INPP1: variants seen among roughly 807,000 people sequenced by gnomAD.
INPP1 encodes the protein inositol polyphosphate-1-phosphatase.
INPP1 carries 18 observed loss-of-function variants against 23.0 expected under a neutral mutation model. The ratio of observed to expected loss-of-function variants is 0.78; its 90% CI spans 0.54 to 1.16. The LOEUF (loss-of-function observed/expected upper bound fraction) is 1.16. INPP1 is among the 50% of genes most tolerant of loss of function. The pLI is 0.00. For synonymous variants in INPP1, 164 were observed against 176.3 expected (o/e 0.93, Z 0.55); for missense variants, 448 against 482.1 (o/e 0.93, Z 0.66).
rs1311109258 is a variant in INPP1 at position 190,370,992 on chromosome 2, A to C, written c.790A>C (p.Ile264Leu). Reference sequence around the variant, plus strand: ...ATTCTCCCCCAGTTTTTCAGCCGTAATTAGTACAAGTGAAAAGGAGACTAT... The same window carrying C: ...ATTCTCCCCCAGTTTTTCAGCCGTACTTAGTACAAGTGAAAAGGAGACTAT... The part of the protein sequence containing the change: ...AAFSPSFSAV[I>L]STSEKETIKA... The change falls in exon 7 of 7, where the codon ATT becomes CTT. Residue 264 changes from isoleucine (I) to leucine (L), a missense_variant. Coordinates refer to ENST00000392329, the MANE Select transcript of INPP1 (RefSeq NM_001128928.2). 6.2e-7 allele frequency: 1 copy of C among 1,614,216 alleles called. No individual in the cohort carries two copies. The highest frequency in any genetic ancestry group is 1.3e-5 in the African/African-American group (1 of 75,068).
chr2:190,371,599 A>C lies in INPP1; in HGVS notation c.*197A>C. Reference sequence around the variant, plus strand: ...CATGCAGCAATTATATTGGTGTATGAAATTCTTACAGTGAATATTGTGCTG... The same window carrying C: ...CATGCAGCAATTATATTGGTGTATGCAATTCTTACAGTGAATATTGTGCTG... On this transcript the variant is annotated 3_prime_UTR_variant, in exon 7 of 7. Transcript: ENST00000392329. The surrounding 1 kb of genome is among the most constrained non-coding windows in gnomAD (Gnocchi z 5.3). 1 of 451,086 alleles carries C rather than the reference A, an allele frequency of 2.2e-6. No homozygotes were observed. Among genetic ancestry groups the C allele is most frequent in the Non-Finnish European group, 3.9e-6 (1 of 258,674 alleles). The allele number at this position is 451,086 out of a possible 1,614,324, so 27.9% of individuals were successfully genotyped here.
rs2124922540 is a variant in INPP1 at position 190,354,341 on chromosome 2, C to T, written c.-65+5310C>T. Among the ~76,000 whole-genome samples the T allele has an allele frequency of 6.6e-6, 1 of 152,232 alleles. No individual in the cohort carries two copies. The highest frequency in any genetic ancestry group is 1.5e-5 in the Non-Finnish European group (1 of 68,016). ...GATTGGGTCGCTAAGGTAACCACGG[C>T]CTGTCTTTCAGGAGAGGTTTTAGGG... On this transcript the variant is annotated intron_variant, in intron 2 of 6. Transcript: ENST00000392329. The surrounding 1 kb of genome is among the most constrained non-coding windows in gnomAD (Gnocchi z 4.8).
intron 1 of INPP1, among the ~76,000 whole-genome samples, chr2:190,348,331 T>C (rs1689263051): frequency 6.6e-6 from 1 of 152,200 alleles, no homozygotes; most frequent in African/African-American, 2.4e-5. Context: ...TTTTGAAATG[T>C]GCATTTCTTT....
chr2:190,370,610 T>G (rs1170348042), intron 6 of INPP1, among the ~76,000 whole-genome samples: 2 of 152,250 alleles, frequency 1.3e-5, no homozygotes, highest in Non-Finnish European at 2.9e-5. Context: ...ATTGATGTGA[T>G]AATGCCATAA....
rs1229102209 is a variant in INPP1 at position 190,371,439 on chromosome 2, C to A, written c.*37C>A. 3 of 1,434,790 alleles carry A rather than the reference C, an allele frequency of 2.1e-6. No individual in the cohort carries two copies. Among genetic ancestry groups the A allele is most frequent in the Non-Finnish European group, 2.8e-6 (3 of 1,075,464 alleles). The allele number at this position is 1,434,790 out of a possible 1,614,324, so 88.9% of individuals were successfully genotyped here. A position where few individuals can be genotyped will look rare whatever the true frequency, so the allele number is the denominator to read the frequency against. ...CCCCGGTGTACCTGTATAAACTGAA[C>A]TGTGAAACTGTTTCGGTTATCTCTG... On this transcript the variant is annotated 3_prime_UTR_variant, in exon 7 of 7. Transcript: ENST00000392329. The surrounding 1 kb of genome is among the most constrained non-coding windows in gnomAD (Gnocchi z 5.3).
rs144860103 is a variant in INPP1, at chr2:190,353,067, G to A, written c.-65+4036G>A. 6.6e-4 allele frequency among the ~76,000 whole-genome samples: 101 copies of A among 152,256 alleles called. 1 individual carries two copies. In the East Asian group the frequency reaches 8.5e-3, roughly 13 times the overall value. On this transcript the variant is annotated intron_variant, in intron 2 of 6. Coordinates refer to ENST00000392329, the MANE Select transcript of INPP1 (RefSeq NM_001128928.2). ...AATGTCAACAGAAGTGCTTTGACCC[G>A]CTTGCCTATTGATTAGAGAGCAGTT...
chr2:190,360,289 C>T lies in INPP1; in HGVS notation c.187C>T (p.Gln63Ter), dbSNP rs1689511223. The change falls in exon 3 of 7, where the codon CAG (glutamine) becomes TAG (stop). Residue 63 changes from glutamine to a stop codon, truncating the protein, a stop_gained. Transcript: ENST00000392329. LOFTEE classifies it high-confidence loss of function. ...ADVLVQEVIK[Q>*]NMENKFPGLE... ...TGTACTGGTACAGGAAGTTATAAAA[C>T]AGAATATGGAGAACAAGGTAAGAAA... 4 of 1,614,074 alleles carry T rather than the reference C, an allele frequency of 2.5e-6. No individual in the cohort carries two copies. Among genetic ancestry groups the T allele is most frequent in the Non-Finnish European group, 3.4e-6 (4 of 1,179,966 alleles).
At chr2:190,370,793 A>G in intron 6 of INPP1, 51 bp from the exon 7 acceptor site, 1 of 1,308,988 alleles carries the variant, frequency 7.6e-7, no homozygotes, top group Non-Finnish European at 1.1e-6. Context: ...TGACATGAGT[A>G]ATGAAAAACA....
rs1045680661 is a variant in INPP1 at position 190,357,767 on chromosome 2, A to C, written c.-64-2272A>C. Among the ~76,000 whole-genome samples the C allele has an allele frequency of 6.6e-5, 10 of 152,324 alleles. No individual in the cohort carries two copies. In the Middle Eastern group the frequency reaches 0.01, roughly 155 times the overall value. On this transcript the variant is annotated intron_variant, in intron 2 of 6. Transcript: ENST00000392329. ...ACATTTTTGTCAAATTGCCCTCTGG[A>C]AACCTAACTTGTTTGCGTGCCCATT...
Position 190,361,028 on chromosome 2 carries a change from A to G in INPP1, c.204+722A>G, listed in dbSNP as rs16832635. Among the ~76,000 whole-genome samples the G allele has an allele frequency of 1.2e-3, 189 of 152,364 alleles. 1 individual carries two copies. The East Asian group carries it at 0.015, about 12-fold the overall frequency. ...AGAAATAATAATACTAGCAGCACTT[A>G]TAAATGCTATGTGCCAGCCACTATT... On this transcript the variant is annotated intron_variant, in intron 3 of 6. Transcript: ENST00000392329.
rs772533492 is a variant in INPP1 at position 190,355,477 on chromosome 2, T to G, written c.-64-4562T>G. ...GAACTGGAGCTATTAAATCTGTGTT[T>G]AGAGTTATACAGGTTGCTGACAAAA... On this transcript the variant is annotated intron_variant, in intron 2 of 6. Coordinates refer to ENST00000392329, the MANE Select transcript of INPP1 (RefSeq NM_001128928.2). The surrounding 1 kb of genome is among the most constrained non-coding windows in gnomAD (Gnocchi z 5.1). Among the ~76,000 whole-genome samples the G allele has an allele frequency of 3.9e-5, 6 of 152,218 alleles. No individual in the cohort carries two copies. The highest frequency in any genetic ancestry group is 8.8e-5 in the Non-Finnish European group (6 of 68,040).
chr2:190,366,936 T>A, intron 5 of INPP1, 41 bp downstream of exon 5: 1 of 1,392,808 alleles, frequency 7.2e-7, no homozygotes, highest in Non-Finnish European at 1.0e-6. Flanking sequence ...TTGCAATCTT[T>A]TTTTTGGTGG....
At chr2:190,369,820 T>C (rs1024553562) in intron 6 of INPP1, among the ~76,000 whole-genome samples, 1 of 152,228 alleles carries the variant, frequency 6.6e-6, no homozygotes, top group African/African-American at 2.4e-5. Context: ...AGGACTCAGC[T>C]GCCTCTGATC....
At chr2:190,351,311 A>G (rs1689319698) in intron 2 of INPP1, among the ~76,000 whole-genome samples, 1 of 152,250 alleles carries the variant, frequency 6.6e-6, no homozygotes, top group South Asian at 2.1e-4. Context: ...CTCCTTTTGC[A>G]CATACATTTT....
At chr2:190,366,281 CTCTCGCTCTCTG>C (rs1443018306) in intron 4 of INPP1, among the ~76,000 whole-genome samples, 21 of 147,310 alleles carry the variant, frequency 1.4e-4, no homozygotes, top group Non-Finnish European at 2.7e-4. Context: ...TCCTGTCTCT[CTCTCGCTCTCTG>C]TCTCTCTCGC....
chr2:190,346,737 T>C lies in INPP1; in HGVS notation c.-208-2151T>C, dbSNP rs1225957952. Among the ~76,000 whole-genome samples the C allele has an allele frequency of 6.6e-6, 1 of 151,922 alleles. No individual in the cohort carries two copies. Among genetic ancestry groups the C allele is most frequent in the East Asian group, 1.9e-4 (1 of 5,176 alleles). ...AATCCTCCCACCCCAGCCTCCCGAG[T>C]GTCTGGGACTACAGGCACGTGCCAC... On this transcript the variant is annotated intron_variant, in intron 1 of 6. Transcript: ENST00000392329. The surrounding 1 kb of genome is among the most constrained non-coding windows in gnomAD (Gnocchi z 5.1).
intron 1 of INPP1, 102 bp downstream of exon 1, chr2:190,344,063 G>T: frequency 6.2e-6 from 2 of 323,754 alleles, no homozygotes. Flanking sequence ...GCGCGCCGTC[G>T]CCTCTCCGCG....
At chr2:190,364,928 T>C (rs1304643289) in intron 4 of INPP1, among the ~76,000 whole-genome samples, 1 of 151,980 alleles carries the variant, frequency 6.6e-6, no homozygotes, top group Non-Finnish European at 1.5e-5. Context: ...TCTAATAAGC[T>C]CCCAGCTGAT....
chr2:190,370,999 C>T lies in INPP1; in HGVS notation c.797C>T (p.Thr266Ile), dbSNP rs777138601. Residue 266 changes from threonine (T) to isoleucine (I), a missense_variant, in exon 7 of 7, where the codon ACA becomes ATA. Coordinates refer to ENST00000392329, the MANE Select transcript of INPP1 (RefSeq NM_001128928.2). ...CCCAGTTTTTCAGCCGTAATTAGTA[C>T]AAGTGAAAAGGAGACTATCAAAGCT... ...FSPSFSAVIS[T>I]SEKETIKAAL... 2 of 1,614,156 alleles carry T rather than the reference C, an allele frequency of 1.2e-6. No homozygotes were observed. The highest frequency in any genetic ancestry group is 1.1e-5 in the South Asian group (1 of 91,076).
Sources: gnomAD v4.1 joint callset for allele counts (sites outside exome capture counted in the v4.1 genomes callset) on GRCh38, gnomAD v4.1.1 for gene constraint, Gnocchi (gnomAD v3.1) non-coding constraint, MANE v1.5 for transcripts, NCBI Gene and HGNC (gene_info 2026-07-23, HGNC 2026-07-21) for gene names.